Variants in SMPD1 observed in about 807,000 individuals in gnomAD.
SMPD1 encodes sphingomyelin phosphodiesterase 1.
In SMPD1, 47 loss-of-function variants were observed where a neutral mutation model predicts 49.7. The observed-to-expected ratio is 0.95, with a 90% CI of 0.75 to 1.21. SMPD1 has a LOEUF of 1.21. Among genes scored for constraint, SMPD1 ranks in the 50% most tolerant of loss-of-function variants. SMPD1 has a pLI of 0.00. For missense variants in SMPD1, 811 were observed against 822.2 expected (o/e 0.99, Z 0.17); for synonymous variants, 336 against 339.6 (o/e 0.99, Z 0.12).
In SMPD1 at chr11:6,393,696, A is replaced by G; in HGVS notation, c.1340+3A>G. ...AATTATTACCGAATTGTAGCCAGGT[A>G]GGACGGAGATGAGGGTGGGAATAGG... On this transcript the variant is annotated splice_donor_region_variant and intron_variant, in intron 4 of 5. Coordinates refer to ENST00000342245, the MANE Select transcript of SMPD1 (RefSeq NM_000543.5). The G allele has an allele frequency of 6.2e-7, 1 of 1,613,216 alleles. No homozygotes were observed. Among genetic ancestry groups the G allele is most frequent in the Non-Finnish European group, 8.5e-7 (1 of 1,179,098 alleles).
chr11:6,392,224 C>T (rs1194466900), intron 2 of SMPD1, 68 bp downstream of exon 2: 2 of 1,575,540 alleles, frequency 1.3e-6, no homozygotes. Flanking sequence ...GAGAAGGGAA[C>T]CTGGGGCATT....
chr11:6,391,718 G>A lies in SMPD1; in HGVS notation c.653G>A (p.Gly218Asp), dbSNP rs1388730301. ...CACTGGGATCATGACTACCTGGAGG[G>A]CACGGACCCTGACTGTGCAGACCCA... The part of the protein sequence containing the change: ...DLHWDHDYLE[G>D]TDPDCADPLC... Residue 218 changes from glycine to aspartate, a missense_variant, in exon 2 of 6, where the codon GGC (glycine) becomes GAC (aspartate). Coordinates refer to ENST00000342245, the MANE Select transcript of SMPD1 (RefSeq NM_000543.5). 2.5e-6 allele frequency: 4 copies of A among 1,611,510 alleles called. No individual in the cohort carries two copies. In the Admixed American group the frequency reaches 5.0e-5, roughly 20 times the overall value.
chr11:6,393,351 G>C lies in SMPD1; in HGVS notation c.1227G>C (p.Val409=), dbSNP rs768283171. The C allele has an allele frequency of 1.5e-5, 24 of 1,613,790 alleles. No individual in the cohort carries two copies. The highest frequency in any genetic ancestry group is 2.2e-5 in the South Asian group (2 of 91,084). ...TDPAGQLQWL[V]GELQAAEDRG... The stretch of plus-strand genomic sequence containing the variant: ...CCGCAGGACAGCTCCAGTGGCTGGT[G>C]GGGGAGCTTCAGGCTGCTGAGGATC... The change falls in exon 3 of 6, where the codon GTG becomes GTC. Residue 409 remains valine (V), a synonymous_variant. Transcript: ENST00000342245.
At position 6,394,622 on chromosome 11, in the gene SMPD1, C is replaced by T; in HGVS notation, c.*15C>T. 1 of 1,595,652 alleles carries T rather than the reference C, an allele frequency of 6.3e-7. No homozygotes were observed. The highest frequency in any genetic ancestry group is 8.5e-7 in the Non-Finnish European group (1 of 1,175,914). On this transcript the variant is annotated 3_prime_UTR_variant, in exon 6 of 6. Transcript: ENST00000342245. ...TGTTTTGCTAGGGCCCCAGGGCCCA[C>T]ATTTGGGAAAGTTCTTGATGTAGGA...
chr11:6,391,543 G>A lies in SMPD1; in HGVS notation c.478G>A (p.Gly160Ser). 6.2e-7 allele frequency: 1 copy of A among 1,613,954 alleles called. No individual in the cohort carries two copies. The highest frequency in any genetic ancestry group is 8.5e-7 in the Non-Finnish European group (1 of 1,179,976). ...RSVLSPSEAC[G>S]LLLGSTCGHW... is the part of the protein sequence containing the mutation. ...AGTGCTGAGCCCATCTGAGGCCTGT[G>A]GCCTGCTCCTGGGCTCCACCTGTGG... is the stretch of plus-strand genomic sequence containing the variant. The change falls in exon 2 of 6, where the codon GGC becomes AGC. Residue 160 changes from glycine (G) to serine (S), a missense_variant. Transcript: ENST00000342245.
Position 6,393,666 on chromosome 11 carries a change from G to A in SMPD1, c.1313G>A (p.Ser438Asn), listed in dbSNP as rs750887448. 6.2e-7 allele frequency: 1 copy of A among 1,614,084 alleles called. No homozygotes were observed. The highest frequency in any genetic ancestry group is 8.5e-7 in the Non-Finnish European group (1 of 1,179,946). The stretch of plus-strand genomic sequence containing the variant: ...CCAGGGCACTGTCTGAAGAGCTGGA[G>A]CTGGAATTATTACCGAATTGTAGCC... ...IPPGHCLKSW[S>N]WNYYRIVARY... The change falls in exon 4 of 6, where the codon AGC (serine) becomes AAC (asparagine). Residue 438 changes from serine (S) to asparagine (N), a missense_variant. Coordinates refer to ENST00000342245, the MANE Select transcript of SMPD1 (RefSeq NM_000543.5).
At position 6,394,404 on chromosome 11, in the gene SMPD1, G is replaced by A. The variant is rs201127799; in HGVS notation, c.1693G>A (p.Asp565Asn). 29 of 1,614,206 alleles carry A rather than the reference G, an allele frequency of 1.8e-5. No individual in the cohort carries two copies. The highest frequency in any genetic ancestry group is 1.5e-4 in the Admixed American group (9 of 60,022). Reference sequence around the variant, plus strand: ...CAACCTGGTATATCGCATGCGGGGCGACATGCAACTTTTCCAGACCTTCTG... The same window carrying A: ...CAACCTGGTATATCGCATGCGGGGCAACATGCAACTTTTCCAGACCTTCTG... ...WHNLVYRMRG[D>N]MQLFQTFWFL... The change falls in exon 6 of 6, where the codon GAC becomes AAC. Residue 565 changes from aspartate to asparagine, a missense_variant. Physicochemically the swap from Asp to Asn is conservative, Grantham distance 23. Coordinates refer to ENST00000342245, the MANE Select transcript of SMPD1 (RefSeq NM_000543.5).
At position 6,391,704 on chromosome 11, in the gene SMPD1, T is replaced by A; in HGVS notation, c.639T>A (p.His213Gln). ...TCCTCACTGACCTGCACTGGGATCA[T>A]GACTACCTGGAGGGCACGGACCCTG... The part of the protein sequence containing the change: ...ILFLTDLHWD[H>Q]DYLEGTDPDC... Residue 213 changes from histidine to glutamine, a missense_variant, in exon 2 of 6, where the codon CAT (histidine) becomes CAA (glutamine). Coordinates refer to ENST00000342245, the MANE Select transcript of SMPD1 (RefSeq NM_000543.5). 7.0e-7 allele frequency: 1 copy of A among 1,418,784 alleles called. No homozygotes were observed. Among genetic ancestry groups the A allele is most frequent in the South Asian group, 1.1e-5 (1 of 88,498 alleles). 87.9% of individuals were successfully genotyped at this position (1,418,784 alleles called of 1,614,324 possible).
chr11:6,390,521 C>T lies in SMPD1; in HGVS notation c.-78C>T, dbSNP rs533338773. On this transcript the variant is annotated 5_prime_UTR_variant, in exon 1 of 6. Transcript: ENST00000342245. The stretch of plus-strand genomic sequence containing the variant: ...GTAATCGGGTGTCCCCGGCGCCGCC[C>T]GGGGCCCTGAGGGCTGGCTAGGGTC... 10 of 1,561,172 alleles carry T rather than the reference C, an allele frequency of 6.4e-6. No individual in the cohort carries two copies. In the African/African-American group the frequency reaches 8.1e-5, roughly 13 times the overall value.
chr11:6,393,204 A>C lies in SMPD1; in HGVS notation c.1092-12A>C, dbSNP rs1454324557. 6.2e-7 allele frequency: 1 copy of C among 1,612,720 alleles called. No homozygotes were observed. The highest frequency in any genetic ancestry group is 8.5e-7 in the Non-Finnish European group (1 of 1,178,940). On this transcript the variant is annotated splice_polypyrimidine_tract_variant and intron_variant, in intron 2 of 5. Coordinates refer to ENST00000342245, the MANE Select transcript of SMPD1 (RefSeq NM_000543.5). ...GAACAAGTGTTGACCTCTCATGTTT[A>C]CTTTGTTTCAGAATTGGGGGGTTCT... is the stretch of plus-strand genomic sequence containing the variant.
chr11:6,393,163 A>G, intron 2 of SMPD1, 53 bp from the exon 3 acceptor site: 7 of 1,530,268 alleles, frequency 4.6e-6, no homozygotes, highest in Non-Finnish European at 6.3e-6. Context: ...TGCCCAGCAC[A>G]GGAGGACCAG....
intron 4 of SMPD1, 38 bp downstream of exon 4, chr11:6,393,731 AGT>A (rs755397336): frequency 1.3e-6 from 2 of 1,583,346 alleles, no homozygotes; most frequent in African/African-American, 2.7e-5. Flanking sequence ...GGACAGGGTG[AGT>A]GTCTGAAGGC....
At position 6,390,825 on chromosome 11, in the gene SMPD1, T is replaced by C. The variant is rs971324674; in HGVS notation, c.227T>C (p.Ile76Thr). The C allele has an allele frequency of 1.2e-5, 19 of 1,613,936 alleles. No homozygotes were observed. The highest frequency in any genetic ancestry group is 1.6e-5 in the Non-Finnish European group (19 of 1,179,988). ...PQGHPARLHR[I>T]VPRLRDVFGW... ...GGCCATCCTGCCAGGTTACATCGCA[T>C]AGTGCCCCGGCTCCGAGATGTCTTT... Residue 76 changes from isoleucine to threonine, a missense_variant, in exon 1 of 6, where the codon ATA (isoleucine) becomes ACA (threonine). By Grantham distance (89) the Ile-to-Thr change is moderately conservative. Coordinates refer to ENST00000342245, the MANE Select transcript of SMPD1 (RefSeq NM_000543.5).
At position 6,391,765 on chromosome 11, in the gene SMPD1, GGCCTGCCGCCC is replaced by G; in HGVS notation, c.703_713del (p.Leu235IlefsTer15). The G allele has an allele frequency of 6.2e-7, 1 of 1,612,236 alleles. No individual in the cohort carries two copies. The highest frequency in any genetic ancestry group is 1.1e-5 in the South Asian group (1 of 91,076). ...CCCACTGTGCTGCCGCCGGGGTTCTGGCCTGCCGCCCGCATCCCGGCCAGGTGCCGGATACT... is the reference window on the plus strand; with the variant it reads ...CCCACTGTGCTGCCGCCGGGGTTCTGGCATCCCGGCCAGGTGCCGGATACT... On this transcript the variant is annotated frameshift_variant, in exon 2 of 6. Transcript: ENST00000342245. LOFTEE classifies it high-confidence loss of function.
Position 6,394,532 on chromosome 11 carries a change from T to A in SMPD1, c.1821T>A (p.Ala607=), listed in dbSNP as rs1564928040. 6.2e-7 allele frequency: 1 copy of A among 1,610,504 alleles called. No individual in the cohort carries two copies. The highest frequency in any genetic ancestry group is 8.5e-7 in the Non-Finnish European group (1 of 1,180,002). The part of the protein sequence containing the change: ...AQLSARADSP[A]LCRHLMPDGS... Reference sequence around the variant, plus strand: ...TCTCTGCCCGTGCTGACAGCCCTGCTCTGTGCCGCCACCTGATGCCAGATG... The same window carrying A: ...TCTCTGCCCGTGCTGACAGCCCTGCACTGTGCCGCCACCTGATGCCAGATG... The change falls in exon 6 of 6, where the codon GCT becomes GCA. Residue 607 remains alanine (A), a synonymous_variant. Transcript: ENST00000342245.
chr11:6,391,877 C>G lies in SMPD1; in HGVS notation c.812C>G (p.Pro271Arg). Residue 271 changes from proline to arginine, a missense_variant, in exon 2 of 6, where the codon CCT becomes CGT. Pro to Arg is a moderately radical substitution (Grantham distance 103). Transcript: ENST00000342245. ...SLLSGLGPAG[P>R]FDMVYWTGDI... is the part of the protein sequence containing the mutation. ...TTGAGTGGGCTGGGCCCAGCCGGCC[C>G]TTTTGATATGGTGTACTGGACAGGA... 5.0e-6 allele frequency: 8 copies of G among 1,614,164 alleles called. No individual in the cohort carries two copies. Among genetic ancestry groups the G allele is most frequent in the Non-Finnish European group, 6.8e-6 (8 of 1,180,032 alleles).
At chr11:6,391,345 C>T in intron 1 of SMPD1, 39 bp from the exon 2 acceptor site, 3 of 1,608,570 alleles carry the variant, frequency 1.9e-6, no homozygotes, top group Non-Finnish European at 2.5e-6. Flanking sequence ...TTCCTCTGCT[C>T]TGCCTCTGAT....
rs201550531 is a variant in SMPD1, at chr11:6,392,119, G to T, written c.1054G>T (p.Glu352Ter). ...CTATGAAGCGATGGCCAAGGCTTGG[G>T]AGCCCTGGCTGCCTGCCGAAGCCCT... Reference protein sequence around the residue: ...WLYEAMAKAWEPWLPAEALRT... With the variant: ...WLYEAMAKAW Residue 352 changes from glutamate (E) to a stop codon, truncating the protein, a stop_gained, in exon 2 of 6, where the codon GAG becomes TAG. Coordinates refer to ENST00000342245, the MANE Select transcript of SMPD1 (RefSeq NM_000543.5). LOFTEE classifies it high-confidence loss of function. 51 of 1,614,082 alleles carry T rather than the reference G, an allele frequency of 3.2e-5. No homozygotes were observed. The highest frequency in any genetic ancestry group is 4.2e-5 in the Non-Finnish European group (50 of 1,180,006).
chr11:6,394,757 C>T lies in SMPD1; in HGVS notation c.*150C>T. 1.4e-6 allele frequency: 1 copy of T among 719,284 alleles called. No homozygotes were observed. The highest frequency in any genetic ancestry group is 2.3e-5 in the Admixed American group (1 of 42,668). 44.6% of individuals were successfully genotyped at this position (719,284 alleles called of 1,614,324 possible). A position where few individuals can be genotyped will look rare whatever the true frequency, so the allele number is the denominator to read the frequency against. ...CCGGGGAAACAGGACCTTCTCCTTTCCTGGAGCTGGTTTAGCTGGATATGG... is the reference window on the plus strand; with the variant it reads ...CCGGGGAAACAGGACCTTCTCCTTTTCTGGAGCTGGTTTAGCTGGATATGG... On this transcript the variant is annotated 3_prime_UTR_variant, in exon 6 of 6. Transcript: ENST00000342245.
Sources: gnomAD v4.1 joint callset for allele counts on GRCh38, gnomAD v4.1.1 for gene constraint, MANE v1.5 for transcripts, NCBI Gene and HGNC (gene_info 2026-07-23, HGNC 2026-07-21) for gene names.